Variants in SFMBT2 observed in about 807,000 individuals in gnomAD.
The protein encoded by SFMBT2 is Scm like with four mbt domains 2, also known as scm-like with four MBT domains protein 2.
In SFMBT2, 38 loss-of-function variants were observed where a neutral mutation model predicts 110.1. That is an observed-to-expected ratio of 0.35 (90% confidence interval 0.27 to 0.45). The LOEUF is 0.45. SFMBT2 is among the 20% of genes least tolerant of loss of function. SFMBT2 has a pLI of 1.00. For synonymous variants in SFMBT2, 425 were observed against 425.4 expected, an observed-to-expected ratio of 1.00 and a Z score of 0.01; for missense variants, 1,011 against 1,094.9, an observed-to-expected ratio of 0.92 and a Z score of 1.08.
At position 7,227,859 on chromosome 10, in the gene SFMBT2, C is replaced by T. The variant is rs147978343; in HGVS notation, c.1199G>A (p.Arg400Gln). The T allele has an allele frequency of 2.8e-4, 449 of 1,608,436 alleles. 1 individual carries two copies. In the African/African-American group the frequency reaches 4.5e-3, roughly 16 times the overall value. Residue 400 changes from arginine (R) to glutamine (Q), a missense_variant, in exon 10 of 21, where the codon CGA (arginine) becomes CAA (glutamine). Coordinates refer to ENST00000397167, the MANE Select transcript of SFMBT2 (RefSeq NM_001387889.1). ...GAQEAPPFCF[R>Q]NTSFSRGFTK... is the part of the protein sequence containing the mutation. Reference sequence around the variant, plus strand: ...GGTAAGAGAGAAGCTTCTTACATTTCGGAAGCAGAAGGGAGGGGCTTCCTG... The same window carrying T: ...GGTAAGAGAGAAGCTTCTTACATTTTGGAAGCAGAAGGGAGGGGCTTCCTG...
At chr10:7,305,223 G>A (rs577209472) in intron 4 of SFMBT2, among the ~76,000 whole-genome samples, 7 of 152,184 alleles carry the variant, frequency 4.6e-5, no homozygotes, top group Non-Finnish European at 7.3e-5. Flanking sequence ...ACCTGCAATC[G>A]TCTTCTTTCC....
chr10:7,262,868 C>A (rs1362159682), intron 7 of SFMBT2, among the ~76,000 whole-genome samples: 1 of 152,138 alleles, frequency 6.6e-6, no homozygotes, highest in East Asian at 1.9e-4. Flanking sequence ...AATTCATGTG[C>A]TTCAGTTCAA....
chr10:7,333,788 C>A (rs1231307315), intron 4 of SFMBT2, among the ~76,000 whole-genome samples: 1 of 151,396 alleles, frequency 6.6e-6, no homozygotes, highest in African/African-American at 2.4e-5. Context: ...GGCCTCCCCG[C>A]TTTCTCTCTC....
At chr10:7,309,374 C>A (rs778448492) in intron 4 of SFMBT2, among the ~76,000 whole-genome samples, 1 of 152,206 alleles carries the variant, frequency 6.6e-6, no homozygotes. Context: ...TTGTCCAGGT[C>A]TGCTGCCTCT....
chr10:7,201,805 C>T (rs1838966739), intron 13 of SFMBT2, among the ~76,000 whole-genome samples: 1 of 152,230 alleles, frequency 6.6e-6, no homozygotes, highest in African/African-American at 2.4e-5. Context: ...TGCTAACACC[C>T]TCTTTCCACA....
chr10:7,201,956 G>T (rs1435203072), intron 13 of SFMBT2, among the ~76,000 whole-genome samples: 1 of 152,166 alleles, frequency 6.6e-6, no homozygotes, highest in Non-Finnish European at 1.5e-5. Flanking sequence ...TTTAATCTTT[G>T]TAAGTACCCC....
chr10:7,174,613 G>A (rs1285510118), intron 17 of SFMBT2, among the ~76,000 whole-genome samples: 2 of 152,220 alleles, frequency 1.3e-5, no homozygotes, highest in Non-Finnish European at 2.9e-5. Context: ...ATGCTGAATG[G>A]GAGGTGTGGG....
At chr10:7,230,532 AG>A (rs1308390394) in intron 9 of SFMBT2, among the ~76,000 whole-genome samples, 3 of 152,210 alleles carry the variant, frequency 2.0e-5, no homozygotes, top group African/African-American at 7.2e-5. Context: ...ACTGGAGAAG[AG>A]GGTATCTGGG....
At chr10:7,291,146 G>A (rs1187816679) in intron 4 of SFMBT2, among the ~76,000 whole-genome samples, 1 of 152,164 alleles carries the variant, frequency 6.6e-6, no homozygotes, top group Non-Finnish European at 1.5e-5. Context: ...CCACATCACA[G>A]GAGAACAGAC....
Position 7,172,140 on chromosome 10 carries a change from C to A in SFMBT2, c.2170G>T (p.Ala724Ser). The A allele has an allele frequency of 6.4e-7, 1 of 1,561,034 alleles. No individual in the cohort carries two copies. ...GCGGTGTCATCGTCCATGGCGTCAG[C>A]GTCCTCCTCTTCACTTTCCTGGGAA... is the stretch of plus-strand genomic sequence containing the variant. The part of the protein sequence containing the change: ...GSGEESEEED[A>S]DAMDDDTASE... The change falls in exon 19 of 21, where the codon GCT becomes TCT. Residue 724 changes from alanine (A) to serine (S), a missense_variant. Ala to Ser is a moderately conservative substitution (Grantham distance 99). Around this residue, in one of 2 missense-constraint regions of SFMBT2, gnomAD observed 979 missense variants for 1,016.1 expected, o/e 0.96. Coordinates refer to ENST00000397167, the MANE Select transcript of SFMBT2 (RefSeq NM_001387889.1). The surrounding 1 kb of genome is among the most constrained non-coding windows in gnomAD (Gnocchi z 4.6).
intron 4 of SFMBT2, among the ~76,000 whole-genome samples, chr10:7,308,405 C>T (rs1412574928): frequency 6.6e-6 from 1 of 151,924 alleles, no homozygotes; most frequent in African/African-American, 2.4e-5. Context: ...TATTAAAAGG[C>T]ATGTTACATA....
intron 7 of SFMBT2, among the ~76,000 whole-genome samples, chr10:7,274,855 CAA>C (rs958558618): frequency 2.8e-5 from 4 of 140,920 alleles, no homozygotes; most frequent in Admixed American, 7.1e-5. Flanking sequence ...ACCGTTTCTC[CAA>C]AAAAAAAAAA....
At chr10:7,306,070 C>T (rs905790472) in intron 4 of SFMBT2, among the ~76,000 whole-genome samples, 8 of 152,248 alleles carry the variant, frequency 5.3e-5, no homozygotes, top group Non-Finnish European at 1.0e-4. Flanking sequence ...AGAAAGGCAG[C>T]CTTTCATTAA....
intron 1 of SFMBT2, among the ~76,000 whole-genome samples, chr10:7,397,735 C>T (rs1299183947): frequency 2.0e-5 from 3 of 152,202 alleles, no homozygotes; most frequent in Non-Finnish European, 4.4e-5. Context: ...CAGGAAGAAC[C>T]GCATCTGTAA....
Position 7,237,602 on chromosome 10 carries a change from G to A in SFMBT2, c.1120+5956C>T, listed in dbSNP as rs1588371439. ...AAGGGCTAGGGGTGGGAGAGAATGG[G>A]GACAGAGCTTCAATTCATTCAACCT... On this transcript the variant is annotated intron_variant, in intron 9 of 20. Coordinates refer to ENST00000397167, the MANE Select transcript of SFMBT2 (RefSeq NM_001387889.1). 2.0e-5 allele frequency among the ~76,000 whole-genome samples: 3 copies of A among 152,150 alleles called. No individual in the cohort carries two copies. In the East Asian group the frequency reaches 5.8e-4, roughly 29 times the overall value.
chr10:7,404,979 C>T (rs993251224), intron 1 of SFMBT2, among the ~76,000 whole-genome samples: 1 of 152,186 alleles, frequency 6.6e-6, no homozygotes, highest in East Asian at 1.9e-4. Flanking sequence ...TACAGTCTTA[C>T]AGTCTTGTAA....
At chr10:7,164,790 CA>C (rs779388720) in intron 20 of SFMBT2, among the ~76,000 whole-genome samples, 5,395 of 138,974 alleles carry the variant, frequency 0.039, 125 homozygotes, top group Admixed American at 0.076. Flanking sequence ...CACACACACA[CA>C]CCATTTACAG....
At position 7,241,199 on chromosome 10, in the gene SFMBT2, C is replaced by T. The variant is rs1021654495; in HGVS notation, c.1120+2359G>A. 4 of 372,836 alleles carry T rather than the reference C, an allele frequency of 1.1e-5. No individual in the cohort carries two copies. In the Admixed American group the frequency reaches 1.9e-4, roughly 18 times the overall value. The allele number at this position is 372,836 out of a possible 1,614,324, so 23.1% of individuals were successfully genotyped here. ...CTTCCACCATGATTAGGAGGTTAACCCAGCCGTGTGGAACTGTAAGTCCAT... is the reference window on the plus strand; with the variant it reads ...CTTCCACCATGATTAGGAGGTTAACTCAGCCGTGTGGAACTGTAAGTCCAT... On this transcript the variant is annotated intron_variant, in intron 9 of 20. Transcript: ENST00000397167.
At chr10:7,246,071 C>A (rs1840598618) in intron 8 of SFMBT2, 2 of 769,144 alleles carry the variant, frequency 2.6e-6, no homozygotes, top group Admixed American at 6.3e-5. Context: ...GGAGAGGTGC[C>A]TACCTAGGTT....
Sources: allele counts gnomAD v4.1 joint callset (sites outside exome capture counted in the v4.1 genomes callset), GRCh38; gene constraint gnomAD v4.1.1; regional missense constraint gnomAD v4.1.1; non-coding constraint Gnocchi (gnomAD v3.1); transcripts MANE v1.5; gene names NCBI Gene and HGNC (gene_info 2026-07-23, HGNC 2026-07-21).